Variants in CNKSR3 observed in about 807,000 individuals in gnomAD.
CNKSR3 encodes CNKSR family member 3, also known as connector enhancer of kinase suppressor of ras 3.
A neutral mutation model predicts 67.7 loss-of-function variants in CNKSR3; 36 were observed. That is an observed-to-expected ratio of 0.53 (90% CI 0.41 to 0.70). CNKSR3 has a LOEUF of 0.70. Among genes scored for constraint, CNKSR3 ranks in the 30% least tolerant of loss-of-function variants. The pLI is 0.00. For synonymous variants in CNKSR3, 281 were observed against 271.4 expected (o/e 1.04, Z -0.35); for missense variants, 630 against 695.2 (o/e 0.91, Z 1.05).
chr6:154,505,051 C>T (rs2114663580), intron 1 of CNKSR3, among the ~76,000 whole-genome samples: 1 of 151,368 alleles, frequency 6.6e-6, no homozygotes, highest in East Asian at 2.0e-4. Flanking sequence ...AGACCTACGG[C>T]TGCTAAAACA....
At position 154,430,589 on chromosome 6, in the gene CNKSR3, G is replaced by C; in HGVS notation, c.552C>G (p.Val184=). ...TGTCACAGATGCCATTTAAAACCTTGACCTAGAATTGGAGAAGCAAATAGT... is the reference window on the plus strand; with the variant it reads ...TGTCACAGATGCCATTTAAAACCTTCACCTAGAATTGGAGAAGCAAATAGT... ...AEMEDKVLTV[V]KVLNGICDKT... The change falls in exon 6 of 13, where the codon GTC becomes GTG. Residue 184 remains valine, a splice_region_variant and synonymous_variant. Coordinates refer to ENST00000607772, the MANE Select transcript of CNKSR3 (RefSeq NM_173515.4). 1 of 1,605,276 alleles carries C rather than the reference G, an allele frequency of 6.2e-7. No homozygotes were observed. Among genetic ancestry groups the C allele is most frequent in the Non-Finnish European group, 8.5e-7 (1 of 1,177,456 alleles).
chr6:154,426,346 T>TTTTATTTAA (rs1785253844), intron 7 of CNKSR3, among the ~76,000 whole-genome samples: 1 of 147,868 alleles, frequency 6.8e-6, no homozygotes, highest in Admixed American at 6.8e-5. Flanking sequence ...CATTGAACTC[T>TTTTATTTAA]TTTATTTATT....
intron 4 of CNKSR3, among the ~76,000 whole-genome samples, chr6:154,435,290 C>T (rs993402352): frequency 4.6e-5 from 7 of 152,082 alleles, no homozygotes; most frequent in Admixed American, 1.3e-4. Context: ...TCACCACACC[C>T]GGCCCACAAA....
At chr6:154,484,903 T>C (rs552003716) in intron 1 of CNKSR3, among the ~76,000 whole-genome samples, 42 of 152,306 alleles carry the variant, frequency 2.8e-4, no homozygotes, top group African/African-American at 9.4e-4. Context: ...GCTTGAAAGC[T>C]TGAATAGCCA....
In CNKSR3 at chr6:154,447,891, A is replaced by T. The variant is rs147322264; in HGVS notation, c.216+2204T>A. ...CCAAAGATCTATATGCTATAAATGG[A>T]TTAAAAAGACAGTATAATTAGTATA... On this transcript the variant is annotated intron_variant, in intron 2 of 12. Coordinates refer to ENST00000607772, the MANE Select transcript of CNKSR3 (RefSeq NM_173515.4). Among the ~76,000 whole-genome samples the T allele has an allele frequency of 1.6e-3, 248 of 152,358 alleles. 5 individuals are homozygous for T. In the East Asian group the frequency reaches 0.044, roughly 27 times the overall value.
At chr6:154,467,346 C>T (rs1462944730) in intron 1 of CNKSR3, among the ~76,000 whole-genome samples, 1 of 152,054 alleles carries the variant, frequency 6.6e-6, no homozygotes, top group East Asian at 1.9e-4. Context: ...CCATCTAAAC[C>T]AACTTATATT....
intron 2 of CNKSR3, among the ~76,000 whole-genome samples, chr6:154,449,753 G>A (rs1018971348): frequency 6.6e-6 from 1 of 152,170 alleles, no homozygotes; most frequent in African/African-American, 2.4e-5. Context: ...AATATTTTAG[G>A]CTTTGGGGGA....
At chr6:154,411,671 G>GT (rs144462215) in intron 10 of CNKSR3, among the ~76,000 whole-genome samples, 6,621 of 148,418 alleles carry the variant, frequency 0.045, 203 homozygotes, top group African/African-American at 0.071. Flanking sequence ...TAAATGCAGG[G>GT]TTTTTTTTAA....
At chr6:154,487,730 C>T (rs2114645774) in intron 1 of CNKSR3, among the ~76,000 whole-genome samples, 1 of 152,342 alleles carries the variant, frequency 6.6e-6, no homozygotes, top group African/African-American at 2.4e-5. Flanking sequence ...TGTGCTCCCA[C>T]CTTTACCCAA....
intron 1 of CNKSR3, among the ~76,000 whole-genome samples, chr6:154,491,264 G>A (rs1404456875): frequency 6.6e-6 from 1 of 152,174 alleles, no homozygotes; most frequent in Non-Finnish European, 1.5e-5. Flanking sequence ...CTAAATGCCT[G>A]TTGATTTGTC....
At chr6:154,458,755 A>G (rs1186435540) in intron 1 of CNKSR3, among the ~76,000 whole-genome samples, 1 of 152,202 alleles carries the variant, frequency 6.6e-6, no homozygotes, top group Non-Finnish European at 1.5e-5. Flanking sequence ...TCAGTGGATT[A>G]GCAGGCTTCC....
At chr6:154,465,787 G>A (rs950322030) in intron 1 of CNKSR3, among the ~76,000 whole-genome samples, 21 of 152,310 alleles carry the variant, frequency 1.4e-4, no homozygotes, top group African/African-American at 4.6e-4. Context: ...TGGGTCAGAC[G>A]AGAAAATACT....
intron 2 of CNKSR3, among the ~76,000 whole-genome samples, chr6:154,442,632 C>A (rs1785623838): frequency 6.6e-6 from 1 of 151,870 alleles, no homozygotes; most frequent in Non-Finnish European, 1.5e-5. Context: ...AAAATAAAAA[C>A]AAAACAATAA....
At chr6:154,450,407 G>A in intron 1 of CNKSR3, 149 bp from the exon 2 acceptor site, 2 of 724,446 alleles carry the variant, frequency 2.8e-6, no homozygotes, top group South Asian at 2.0e-5. Context: ...CACCTGATGG[G>A]CACTTTTGCA....
At chr6:154,408,435 C>T (rs1784845896) in intron 12 of CNKSR3, among the ~76,000 whole-genome samples, 1 of 152,154 alleles carries the variant, frequency 6.6e-6, no homozygotes, top group Non-Finnish European at 1.5e-5. Flanking sequence ...AAACAGATTC[C>T]AGCTGAGTTT....
chr6:154,468,741 A>T (rs1380991673), intron 1 of CNKSR3, among the ~76,000 whole-genome samples: 2 of 152,208 alleles, frequency 1.3e-5, no homozygotes, highest in African/African-American at 4.8e-5. Flanking sequence ...GCCATTATGG[A>T]AAAATTCAAA....
At chr6:154,507,122 C>G (rs935587028) in intron 1 of CNKSR3, among the ~76,000 whole-genome samples, 15 of 152,226 alleles carry the variant, frequency 9.9e-5, no homozygotes, top group African/African-American at 3.6e-4. Context: ...GATATTTGTA[C>G]AATGCTTAGA....
intron 1 of CNKSR3, among the ~76,000 whole-genome samples, chr6:154,466,503 T>C (rs1582883340): frequency 6.6e-6 from 1 of 152,264 alleles, no homozygotes; most frequent in Non-Finnish European, 1.5e-5. Context: ...GCCTTGGCCC[T>C]TATGGAAACA....
intron 9 of CNKSR3, among the ~76,000 whole-genome samples, chr6:154,416,758 T>C (rs1785032646): frequency 6.6e-6 from 1 of 152,166 alleles, no homozygotes; most frequent in South Asian, 2.1e-4. Context: ...CTGCAGAGTA[T>C]TTGTCTACCA....
Sources: allele counts gnomAD v4.1 joint callset (sites outside exome capture counted in the v4.1 genomes callset), GRCh38; gene constraint gnomAD v4.1.1; transcripts MANE v1.5; gene names NCBI Gene and HGNC (gene_info 2026-07-23, HGNC 2026-07-21).